ROBO2: variants seen among roughly 807,000 people sequenced by gnomAD.
ROBO2 encodes the protein roundabout homolog 2.
ROBO2 carries 53 observed loss-of-function variants against 160.8 expected under a neutral mutation model. The observed-to-expected ratio is 0.33, with a 90% CI of 0.26 to 0.41. The LOEUF is 0.41. Among genes scored for constraint, ROBO2 ranks in the 10% least tolerant of loss-of-function variants. The probability of loss-of-function intolerance (pLI) is 1.00; values close to 1 mark genes in which losing one functional copy is unlikely to be tolerated. For missense variants in ROBO2, 1,577 were observed against 1,722.4 expected (o/e 0.92, Z 1.49); for synonymous variants, 664 against 611.7 (o/e 1.09, Z -1.26).
chr3:76,331,779 G>A lies in ROBO2; in HGVS notation c.109+394177G>A, dbSNP rs1182660325. Among the ~76,000 whole-genome samples the A allele has an allele frequency of 4.0e-5, 6 of 151,592 alleles. No individual in the cohort carries two copies. The East Asian group carries it at 1.2e-3, about 29-fold the overall frequency. ...ACTCACTGCAACTTCTGCCACCCAG[G>A]TTCAAGCAATTCTCCTGTCTCAGCC... On this transcript the variant is annotated intron_variant, in intron 2 of 26. Coordinates refer to the ROBO2 transcript ENST00000487694.
At chr3:77,148,720 G>A (rs72891549) in intron 2 of ROBO2, among the ~76,000 whole-genome samples, 2 of 152,116 alleles carry the variant, frequency 1.3e-5, no homozygotes. Context: ...ATTATGTCAA[G>A]CAAATACCGC....
chr3:76,956,363 C>T (rs976564857), intron 2 of ROBO2, among the ~76,000 whole-genome samples: 17 of 152,130 alleles, frequency 1.1e-4, no homozygotes, highest in Non-Finnish European at 2.5e-4. Context: ...TGAGACCATC[C>T]TGGCTAACAC....
intron 2 of ROBO2, among the ~76,000 whole-genome samples, chr3:76,166,851 T>C (rs2072859003): frequency 6.6e-6 from 1 of 152,234 alleles, no homozygotes; most frequent in Non-Finnish European, 1.5e-5. Context: ...ATTTCTCATT[T>C]GAAGCTTTAA....
chr3:77,285,319 C>CA (rs772919838), intron 2 of ROBO2, among the ~76,000 whole-genome samples: 28 of 151,856 alleles, frequency 1.8e-4, no homozygotes, highest in Non-Finnish European at 3.8e-4. Context: ...AATATTAAAA[C>CA]AAAAAAAGAG....
At chr3:77,089,311 A>G (rs1428811359) in intron 1 of ROBO2, among the ~76,000 whole-genome samples, 1 of 152,152 alleles carries the variant, frequency 6.6e-6, no homozygotes, top group Non-Finnish European at 1.5e-5. Context: ...CCTCATCTAT[A>G]AAATAAGGGT....
intron 1 of ROBO2, among the ~76,000 whole-genome samples, chr3:77,049,338 C>T (rs971457820): frequency 2.0e-5 from 3 of 152,144 alleles, no homozygotes; most frequent in African/African-American, 2.4e-5. Context: ...CACACACACT[C>T]ACACAAATTT....
At chr3:77,372,835 C>A (rs1282218831) in intron 2 of ROBO2, among the ~76,000 whole-genome samples, 1 of 151,920 alleles carries the variant, frequency 6.6e-6, no homozygotes, top group African/African-American at 2.4e-5. Flanking sequence ...TTTATTACTA[C>A]AAGATTTCTA....
intron 2 of ROBO2, among the ~76,000 whole-genome samples, chr3:76,039,911 T>G (rs1312906615): frequency 1.3e-5 from 2 of 152,038 alleles, no homozygotes; most frequent in Admixed American, 1.3e-4. Context: ...ATAAATGACA[T>G]GACATCCTGT....
At chr3:76,348,172 G>A (rs1305381787) in intron 2 of ROBO2, among the ~76,000 whole-genome samples, 1 of 151,746 alleles carries the variant, frequency 6.6e-6, no homozygotes, top group Admixed American at 6.6e-5. Context: ...AGCATCATCC[G>A]CCCAAGCACT....
rs76519324 is a variant in ROBO2, at chr3:77,226,759, T to C, written c.388+128419T>C. On this transcript the variant is annotated intron_variant, in intron 2 of 25. Coordinates refer to ENST00000461745, the Ensembl canonical transcript of ROBO2. ...TCCATTAGCCTGCAGTTGGGCAAAATCATCTCACACAAAGCCTACAATAAA... is the reference window on the plus strand; with the variant it reads ...TCCATTAGCCTGCAGTTGGGCAAAACCATCTCACACAAAGCCTACAATAAA... 3.5e-3 allele frequency among the ~76,000 whole-genome samples: 530 copies of C among 152,194 alleles called. 4 individuals are homozygous for C. The East Asian group carries it at 0.043, about 12-fold the overall frequency.
intron 2 of ROBO2, among the ~76,000 whole-genome samples, chr3:76,356,589 AT>A (rs746080048): frequency 2.6e-5 from 4 of 151,738 alleles, no homozygotes; most frequent in Admixed American, 6.6e-5. Context: ...TACCAAAAAA[AT>A]ATAACGATGC....
intron 11 of ROBO2, among the ~76,000 whole-genome samples, chr3:77,563,925 A>T (rs1292617474): frequency 1.3e-5 from 2 of 152,144 alleles, no homozygotes; most frequent in Admixed American, 1.3e-4. Context: ...ATTTAAATGT[A>T]AATTAGCAAA....
chr3:77,193,258 A>T (rs764731059), intron 2 of ROBO2, among the ~76,000 whole-genome samples: 9 of 150,406 alleles, frequency 6.0e-5, no homozygotes, highest in Non-Finnish European at 8.9e-5. Context: ...ACCTACCAAG[A>T]TGGTCAACAG....
chr3:75,906,705 G>A (rs1182028859), exon 1 of ROBO2: 1 of 152,388 alleles, frequency 6.6e-6, no homozygotes, highest in African/African-American at 2.4e-5. Context: ...CGCTGGAGGA[G>A]GGAGGCGGAA....
rs548211843 is a variant in ROBO2, at chr3:76,011,576, C to T, written c.109+73974C>T. 5.3e-5 allele frequency among the ~76,000 whole-genome samples: 8 copies of T among 152,112 alleles called. No individual in the cohort carries two copies. The South Asian group carries it at 1.7e-3, about 32-fold the overall frequency. ...AGTGGTAAGCATTCAGATCTGTATT[C>T]AGTTACAAGGAAGTGATCTCTCTGC... On this transcript the variant is annotated intron_variant, in intron 2 of 26. Transcript: ENST00000487694.
intron 2 of ROBO2, among the ~76,000 whole-genome samples, chr3:77,429,073 G>T (rs914710662): frequency 1.3e-5 from 2 of 152,100 alleles, no homozygotes; most frequent in Non-Finnish European, 2.9e-5. Flanking sequence ...TCCATAATCT[G>T]ATAACTTTAG....
chr3:76,379,882 A>G (rs566155284), intron 2 of ROBO2, among the ~76,000 whole-genome samples: 2 of 152,292 alleles, frequency 1.3e-5, no homozygotes, highest in East Asian at 1.9e-4. Flanking sequence ...AAGTTTAACT[A>G]TTCCTGATTT....
At chr3:76,326,405 T>C (rs1183315444) in intron 2 of ROBO2, among the ~76,000 whole-genome samples, 1 of 152,104 alleles carries the variant, frequency 6.6e-6, no homozygotes, top group Non-Finnish European at 1.5e-5. Context: ...AATGGATGAG[T>C]GTGTTTGTGC....
At chr3:76,785,336 A>C (rs183618801) in intron 2 of ROBO2, among the ~76,000 whole-genome samples, 6 of 151,312 alleles carry the variant, frequency 4.0e-5, no homozygotes, top group Admixed American at 1.3e-4. Flanking sequence ...CTGAAAATCA[A>C]TCAGCTGGAG....
Sources: allele counts gnomAD v4.1 joint callset (sites outside exome capture counted in the v4.1 genomes callset), GRCh38; gene constraint gnomAD v4.1.1; transcripts MANE v1.5; gene names NCBI Gene and HGNC (gene_info 2026-07-23, HGNC 2026-07-21).